The following ACTA2 variants were observed in gnomAD, a reference collection of about 807,000 sequenced individuals.
The protein encoded by ACTA2 is actin alpha 2, smooth muscle, also known as actin, aortic smooth muscle.
A neutral mutation model predicts 39.5 loss-of-function variants in ACTA2; 12 were observed. That is an observed-to-expected ratio of 0.30 (90% confidence interval 0.19 to 0.49). ACTA2 has a LOEUF of 0.49. Ranked by LOEUF, ACTA2 falls within the 20% of genes least tolerant of loss-of-function variation. ACTA2 has a pLI of 0.99. For missense variants in ACTA2, 236 were observed against 498.8 expected (o/e 0.47, Z 5.02); for synonymous variants, 158 against 180.6 (o/e 0.88, Z 1.00).
At chr10:88,978,475 A>G (rs866709325) in intron 1 of ACTA2, among the ~76,000 whole-genome samples, 41 of 152,372 alleles carry the variant, frequency 2.7e-4, no homozygotes, top group South Asian at 4.1e-4. Context: ...GGTGAAGTTG[A>G]GAAAACATAA....
chr10:88,943,952 A>C (rs776456760), intron 3 of ACTA2, 45 bp from the exon 4 acceptor site: 14 of 1,568,534 alleles, frequency 8.9e-6, no homozygotes, highest in Non-Finnish European at 7.9e-6. Context: ...ATGTGCTGTC[A>C]TGAGGTCCTG....
At chr10:88,980,969 T>A (rs1170192871) in intron 1 of ACTA2, among the ~76,000 whole-genome samples, 1 of 152,128 alleles carries the variant, frequency 6.6e-6, no homozygotes, top group Admixed American at 6.5e-5. Context: ...GAGGCTTTGG[T>A]TTGCCTTATA....
At chr10:88,964,771 G>C (rs897023475) in intron 1 of ACTA2, among the ~76,000 whole-genome samples, 1 of 152,088 alleles carries the variant, frequency 6.6e-6, no homozygotes, top group African/African-American at 2.4e-5. Context: ...TGTACCAACT[G>C]GTCTCCTTCC....
chr10:88,990,801 T>C lies in ACTA2; in HGVS notation c.-24+138A>G. On this transcript the variant is annotated intron_variant, in intron 1 of 4. Coordinates refer to the ACTA2 transcript ENST00000415557. This position sits in a 1 kb window ranked among gnomAD's most constrained non-coding sequence, Gnocchi z 4.9. ...CTGGCTGCCCAGGCGGAGCTGCCTC[T>C]TCTCCCGCGGGTTGGTGGACCCGCT... 1 of 1,603,342 alleles carries C rather than the reference T, an allele frequency of 6.2e-7. No homozygotes were observed. The highest frequency in any genetic ancestry group is 8.5e-7 in the Non-Finnish European group (1 of 1,170,522).
chr10:88,937,745 G>A (rs1427300971), intron 8 of ACTA2, among the ~76,000 whole-genome samples: 3 of 152,134 alleles, frequency 2.0e-5, no homozygotes, highest in African/African-American at 7.2e-5. Flanking sequence ...CACTATTTTT[G>A]TGTCGAGAAA....
chr10:88,963,888 C>G (rs1429952204), intron 1 of ACTA2, among the ~76,000 whole-genome samples: 3 of 152,166 alleles, frequency 2.0e-5, no homozygotes, highest in Non-Finnish European at 4.4e-5. Flanking sequence ...CATGTCCACA[C>G]TTTATTACAA....
At chr10:88,962,463 G>A (rs1246672186) in intron 1 of ACTA2, among the ~76,000 whole-genome samples, 1 of 152,154 alleles carries the variant, frequency 6.6e-6, no homozygotes, top group Non-Finnish European at 1.5e-5. Context: ...GATAGTCTCA[G>A]TTAGGATATT....
At chr10:88,949,091 A>T in intron 1 of ACTA2, 138 bp from the exon 2 acceptor site, 1 of 738,962 alleles carries the variant, frequency 1.4e-6, no homozygotes, top group Non-Finnish European at 2.3e-6. Flanking sequence ...TATCTAATAT[A>T]GCATGTATCT....
At chr10:88,966,426 C>A (rs1360380195) in intron 1 of ACTA2, among the ~76,000 whole-genome samples, 1 of 152,146 alleles carries the variant, frequency 6.6e-6, no homozygotes, top group Non-Finnish European at 1.5e-5. Flanking sequence ...CTTTGGCCCT[C>A]ATTTTGTAAT....
At chr10:88,974,630 G>T (rs996353513) in intron 1 of ACTA2, 3 of 152,058 alleles carry the variant, frequency 2.0e-5, no homozygotes, top group Non-Finnish European at 4.4e-5. Flanking sequence ...GAGATTATAG[G>T]CATGAGCCAC....
At chr10:88,972,352 TA>T (rs1392923875) in intron 1 of ACTA2, among the ~76,000 whole-genome samples, 2 of 152,206 alleles carry the variant, frequency 1.3e-5, no homozygotes, top group Non-Finnish European at 2.9e-5. Context: ...TTATTTGTAA[TA>T]GTAATTGATG....
At chr10:88,959,330 G>A (rs1446150490) in intron 1 of ACTA2, among the ~76,000 whole-genome samples, 1 of 152,178 alleles carries the variant, frequency 6.6e-6, no homozygotes, top group Non-Finnish European at 1.5e-5. Context: ...TTAAATCAGA[G>A]CATCTGAGAT....
At chr10:88,974,834 C>G (rs1458830265) in intron 1 of ACTA2, 2 of 152,172 alleles carry the variant, frequency 1.3e-5, no homozygotes, top group Non-Finnish European at 2.9e-5. Context: ...GAACGTGGCC[C>G]TGCAGTTAGA....
intron 1 of ACTA2, among the ~76,000 whole-genome samples, chr10:88,978,272 A>G (rs1282887776): frequency 2.6e-5 from 3 of 117,222 alleles, no homozygotes; most frequent in East Asian, 5.7e-4. Flanking sequence ...GGGGGGAGGG[A>G]TAGCATCGGG....
Position 88,990,755 on chromosome 10 carries a change from G to C in ACTA2, c.-24+184C>G, listed in dbSNP as rs2133383036. 7.9e-7 allele frequency: 1 copy of C among 1,272,676 alleles called. No homozygotes were observed. The highest frequency in any genetic ancestry group is 1.8e-5 in the Admixed American group (1 of 56,074). 78.8% of individuals were successfully genotyped at this position (1,272,676 alleles called of 1,614,324 possible). On this transcript the variant is annotated intron_variant, in intron 1 of 4. Coordinates refer to the ACTA2 transcript ENST00000415557. The surrounding 1 kb of genome is among the most constrained non-coding windows in gnomAD (Gnocchi z 4.9). ...AGCCTCAGGGGCGGGCACTGGCACG[G>C]AACACACCCTGAGGCCAGCCCTGGC...
rs1847119197 is a variant in ACTA2 at position 88,990,712 on chromosome 10, T to A, written c.-24+227A>T. On this transcript the variant is annotated intron_variant, in intron 1 of 4. Coordinates refer to the ACTA2 transcript ENST00000415557. This position sits in a 1 kb window ranked among gnomAD's most constrained non-coding sequence, Gnocchi z 4.9. The stretch of plus-strand genomic sequence containing the variant: ...CTTCTGGGGAGTGAGGGAAGCGGTT[T>A]ACGAGTGACTTGGCTGGAGCCTCAG... 1.3e-6 allele frequency: 1 copy of A among 785,182 alleles called. No homozygotes were observed. 48.6% of individuals were successfully genotyped at this position (785,182 alleles called of 1,614,324 possible). A position where few individuals can be genotyped will look rare whatever the true frequency, so the allele number is the denominator to read the frequency against.
chr10:88,942,743 AT>A (rs59310986), intron 4 of ACTA2, among the ~76,000 whole-genome samples: 18,773 of 143,420 alleles, frequency 0.13, 1,184 homozygotes, highest in Non-Finnish European at 0.16. Flanking sequence ...ATTTCCAACC[AT>A]TTTTTTTTTT....
rs1413574897 is a variant in ACTA2 at position 88,948,933 on chromosome 10, C to G, written c.-3G>C. Reference sequence around the variant, plus strand: ...GTGCTGTCCTCTTCTTCACACATAGCTGGAGCTGCTTCACAGGATTCTATA... The same window carrying G: ...GTGCTGTCCTCTTCTTCACACATAGGTGGAGCTGCTTCACAGGATTCTATA... On this transcript the variant is annotated 5_prime_UTR_variant, in exon 2 of 9. Transcript: ENST00000224784. 1 of 1,613,650 alleles carries G rather than the reference C, an allele frequency of 6.2e-7. No individual in the cohort carries two copies. Among genetic ancestry groups the G allele is most frequent in the Middle Eastern group, 1.7e-4 (1 of 6,052 alleles).
chr10:88,989,445 C>G, intron 1 of ACTA2: 1 of 539,280 alleles, frequency 1.9e-6, no homozygotes. Context: ...TCCTCCTTAT[C>G]CCACTTCTTT....
Sources: allele counts gnomAD v4.1 joint callset (sites outside exome capture counted in the v4.1 genomes callset), GRCh38; gene constraint gnomAD v4.1.1; non-coding constraint Gnocchi (gnomAD v3.1); transcripts MANE v1.5; gene names NCBI Gene and HGNC (gene_info 2026-07-23, HGNC 2026-07-21).